NUP98: variants seen among roughly 807,000 people sequenced by gnomAD.
The protein encoded by NUP98 is nucleoporin 98 and 96 precursor.
NUP98 carries 26 observed loss-of-function variants against 191.9 expected under a neutral mutation model. The ratio of observed to expected loss-of-function variants is 0.14; its 90% CI spans 0.10 to 0.19. The LOEUF is 0.19. Ranked by LOEUF, NUP98 falls within the 10% of genes least tolerant of loss-of-function variation. The pLI, the probability that NUP98 is intolerant of heterozygous loss-of-function variation, is 1.00. For missense variants in NUP98, 1,941 were observed against 2,178.8 expected (o/e 0.89, Z 2.17); for synonymous variants, 808 against 778.4 (o/e 1.04, Z -0.63).
chr11:3,760,451 T>G (rs755124089), intron 10 of NUP98, 88 bp downstream of exon 10: 4 of 1,590,682 alleles, frequency 2.5e-6, no homozygotes, highest in Middle Eastern at 3.4e-4. Context: ...ATAGTCAGTG[T>G]AACTTTAAGA....
At chr11:3,725,351 C>A in intron 14 of NUP98, 132 bp from the exon 15 acceptor site, 1 of 560,998 alleles carries the variant, frequency 1.8e-6, no homozygotes. Flanking sequence ...AATAACCTAA[C>A]AAGTTTCATT....
At chr11:3,689,897 A>G (rs2078253808) in intron 28 of NUP98, among the ~76,000 whole-genome samples, 1 of 150,230 alleles carries the variant, frequency 6.7e-6, no homozygotes, top group Admixed American at 6.6e-5. Flanking sequence ...TTGGCCTTCC[A>G]AAGTGTTGGG....
intron 4 of NUP98, among the ~76,000 whole-genome samples, chr11:3,776,365 TCCTCCTA>T (rs957698375): frequency 1.3e-5 from 2 of 151,998 alleles, no homozygotes; most frequent in Non-Finnish European, 2.9e-5. Context: ...GCTCAAGCAA[TCCTCCTA>T]CCTCGAAATC....
chr11:3,702,326 CTCTCTCTCTCTCTCTCTCTCTCT>C (rs1187841086), intron 23 of NUP98, 114 bp downstream of exon 23: 15 of 210,258 alleles, frequency 7.1e-5, no homozygotes, highest in South Asian at 1.4e-4. Flanking sequence ...CTCTCTCTCT[CTCTCTCTCTCTCTCTCTCTCTCT>C]CTCTCTCTCT....
chr11:3,790,969 G>C (rs922501690), intron 1 of NUP98, among the ~76,000 whole-genome samples: 39 of 150,920 alleles, frequency 2.6e-4, no homozygotes, highest in African/African-American at 3.9e-4. Context: ...AATCTCGGCT[G>C]ACTGCAAGCT....
At chr11:3,737,884 T>G (rs1488114966) in intron 12 of NUP98, among the ~76,000 whole-genome samples, 1 of 151,908 alleles carries the variant, frequency 6.6e-6, no homozygotes, top group Non-Finnish European at 1.5e-5. Flanking sequence ...GAAAAGTTTT[T>G]TTTTTTTTGG....
At position 3,691,415 on chromosome 11, in the gene NUP98, C is replaced by T. The variant is rs146057036; in HGVS notation, c.4386G>A (p.Ala1462=). Residue 1462 remains alanine, a synonymous_variant, in exon 28 of 33, where the codon GCG becomes GCA. Coordinates refer to ENST00000324932, the MANE Select transcript of NUP98 (RefSeq NM_016320.5). ...GTGGTGTCTGTGAGTTTTGCTCCTC[C>T]GCTATCACACAGCCAGAACCCTCCA... ...SYLEGSGCVI[A]EEQNSQTPLR... 81 of 1,614,126 alleles carry T rather than the reference C, an allele frequency of 5.0e-5. No homozygotes were observed. The African/African-American group carries it at 8.8e-4, about 18-fold the overall frequency.
intron 26 of NUP98, among the ~76,000 whole-genome samples, chr11:3,694,091 G>T (rs1281974263): frequency 6.6e-6 from 1 of 150,758 alleles, no homozygotes; most frequent in Non-Finnish European, 1.5e-5. Context: ...AAAAAAAAAG[G>T]CCGGGTGCAG....
intron 28 of NUP98, among the ~76,000 whole-genome samples, chr11:3,689,993 C>CTG (rs2078259489): frequency 6.9e-6 from 1 of 144,100 alleles, no homozygotes; most frequent in African/African-American, 2.6e-5. Context: ...GTTTCATCAC[C>CTG]CAGGCTGGAC....
intron 1 of NUP98, among the ~76,000 whole-genome samples, chr11:3,784,605 A>C (rs11029743): frequency 0.33 from 46,979 of 142,314 alleles, 8,869 homozygotes; most frequent in African/African-American, 0.49. Flanking sequence ...ACAAAAAAAA[A>C]CAAAAAACAT....
At chr11:3,702,010 G>T (rs1214720473) in intron 23 of NUP98, among the ~76,000 whole-genome samples, 2 of 151,926 alleles carry the variant, frequency 1.3e-5, no homozygotes, top group East Asian at 3.9e-4. Flanking sequence ...TGAAGGATAG[G>T]CTGGGCAAGG....
intron 14 of NUP98, among the ~76,000 whole-genome samples, chr11:3,726,606 A>G (rs1564849598): frequency 6.6e-6 from 1 of 151,924 alleles, no homozygotes; most frequent in East Asian, 1.9e-4. Flanking sequence ...AAATGAATAC[A>G]TATTACAAAA....
intron 28 of NUP98, among the ~76,000 whole-genome samples, chr11:3,689,886 C>G (rs1474419164): frequency 6.6e-6 from 1 of 151,526 alleles, no homozygotes; most frequent in African/African-American, 2.4e-5. Context: ...ATCTGCTGGC[C>G]TTGGCCTTCC....
chr11:3,714,713 CAT>C (rs1389806296), intron 18 of NUP98: 1 of 158,174 alleles, frequency 6.3e-6, no homozygotes, highest in African/African-American at 2.4e-5. Context: ...CATGTTATAG[CAT>C]ATATCAGAAT....
chr11:3,784,097 T>C (rs1379285735), intron 1 of NUP98, among the ~76,000 whole-genome samples: 8 of 152,176 alleles, frequency 5.3e-5, no homozygotes, highest in Non-Finnish European at 1.2e-4. Context: ...ATTTTTCTAT[T>C]ATAGCCACAC....
chr11:3,760,125 A>AC lies in NUP98; in HGVS notation c.1174+413_1174+414insG, dbSNP rs1489732036. The stretch of plus-strand genomic sequence containing the variant: ...CCTGTTCTCCACCAAAAAAAAAAAA[A>AC]AAAACAAAAACAAAACAACACAACA... On this transcript the variant is annotated intron_variant, in intron 10 of 32. Coordinates refer to ENST00000324932, the MANE Select transcript of NUP98 (RefSeq NM_016320.5). 6 of 176,880 alleles carry AC rather than the reference A, an allele frequency of 3.4e-5. No homozygotes were observed. In the South Asian group the frequency reaches 6.4e-4, roughly 19 times the overall value. 11.0% of individuals were successfully genotyped at this position (176,880 alleles called of 1,614,324 possible).
intron 21 of NUP98, among the ~76,000 whole-genome samples, chr11:3,706,108 G>A (rs1245679514): frequency 6.6e-6 from 1 of 151,810 alleles, no homozygotes; most frequent in Non-Finnish European, 1.5e-5. Context: ...GGTGGAGGTT[G>A]CAGTGAACCA....
intron 2 of NUP98, among the ~76,000 whole-genome samples, chr11:3,779,959 C>T (rs1411878761): frequency 5.9e-5 from 9 of 152,012 alleles, no homozygotes; most frequent in Non-Finnish European, 1.2e-4. Flanking sequence ...GAAATCCCGC[C>T]TCTACTAAAA....
At chr11:3,762,042 G>A (rs919801498) in intron 9 of NUP98, among the ~76,000 whole-genome samples, 1 of 152,074 alleles carries the variant, frequency 6.6e-6, no homozygotes, top group South Asian at 2.1e-4. Flanking sequence ...TCTGTCCAAA[G>A]TTTAAAAAAA....
Sources: allele counts gnomAD v4.1 joint callset (sites outside exome capture counted in the v4.1 genomes callset), GRCh38; gene constraint gnomAD v4.1.1; transcripts MANE v1.5; gene names NCBI Gene and HGNC (gene_info 2026-07-23, HGNC 2026-07-21).